Variants in MEOX2 observed in about 807,000 individuals in gnomAD.
The protein encoded by MEOX2 is homeobox protein MOX-2.
A neutral mutation model predicts 27.0 loss-of-function variants in MEOX2; 11 were observed. The ratio of observed to expected loss-of-function variants is 0.41; its 90% confidence interval spans 0.26 to 0.68. The LOEUF (loss-of-function observed/expected upper bound fraction) is 0.68, where lower values mean the gene tolerates loss of function less well. MEOX2 is among the 30% of genes least tolerant of loss of function. The pLI, the probability that MEOX2 is intolerant of heterozygous loss-of-function variation, is 0.33. For missense variants in MEOX2, 436 were observed against 385.4 expected (o/e 1.13, Z -1.10); for synonymous variants, 189 against 155.4 (o/e 1.22, Z -1.61).
In MEOX2 at chr7:15,644,914, C is replaced by G. The variant is rs1395433373; in HGVS notation, c.518-17996G>C. 2.0e-5 allele frequency among the ~76,000 whole-genome samples: 3 copies of G among 152,236 alleles called. No homozygotes were observed. The East Asian group carries it at 5.8e-4, about 29-fold the overall frequency. ...GGTTACAAACTTCCTGAAAATTTAA[C>G]GGTCAGCTTCCTAGAGCCTCTACTC... is the stretch of plus-strand genomic sequence containing the variant. On this transcript the variant is annotated intron_variant, in intron 1 of 2. Coordinates refer to ENST00000262041, the MANE Select transcript of MEOX2 (RefSeq NM_005924.5).
chr7:15,669,626 T>C (rs1782065279), intron 1 of MEOX2, among the ~76,000 whole-genome samples: 1 of 152,230 alleles, frequency 6.6e-6, no homozygotes, highest in African/African-American at 2.4e-5. Context: ...AATTGCGTAA[T>C]GTATGGCCAC....
intron 1 of MEOX2, among the ~76,000 whole-genome samples, chr7:15,683,778 A>G (rs1277252650): frequency 6.6e-6 from 1 of 152,194 alleles, no homozygotes; most frequent in Non-Finnish European, 1.5e-5. Flanking sequence ...CAAAGGAAAG[A>G]AAAGCTCATT....
intron 1 of MEOX2, among the ~76,000 whole-genome samples, chr7:15,650,315 T>C (rs563533455): frequency 6.6e-6 from 1 of 152,244 alleles, no homozygotes; most frequent in African/African-American, 2.4e-5. Context: ...TGCAATGTTC[T>C]GTGTAATTTT....
chr7:15,630,121 C>T (rs189068623), intron 1 of MEOX2, among the ~76,000 whole-genome samples: 14 of 152,138 alleles, frequency 9.2e-5, no homozygotes, highest in African/African-American at 3.1e-4. Flanking sequence ...TACTTTAATG[C>T]ACCTGTGGGT....
intron 1 of MEOX2, among the ~76,000 whole-genome samples, chr7:15,683,590 G>T (rs918486934): frequency 6.6e-6 from 1 of 151,910 alleles, no homozygotes; most frequent in Non-Finnish European, 1.5e-5. Context: ...GATAATTTAT[G>T]GAACACCTAA....
At chr7:15,624,685 A>G (rs1781270984) in intron 2 of MEOX2, among the ~76,000 whole-genome samples, 1 of 152,176 alleles carries the variant, frequency 6.6e-6, no homozygotes, top group Non-Finnish European at 1.5e-5. Flanking sequence ...ATGTAGGGCC[A>G]GCAGTATTAC....
At chr7:15,631,579 T>G (rs958016690) in intron 1 of MEOX2, among the ~76,000 whole-genome samples, 1 of 151,998 alleles carries the variant, frequency 6.6e-6, no homozygotes, top group Admixed American at 6.6e-5. Context: ...GTTTATAGAC[T>G]TGACTTTTTC....
chr7:15,612,486 C>T lies in MEOX2; in HGVS notation c.816G>A (p.Leu272=), dbSNP rs763833241. The change falls in exon 3 of 3, where the codon CTG becomes CTA. Residue 272 remains leucine (L), a synonymous_variant. Transcript: ENST00000262041. ...GGAGGGTGGCTGCACCAATTCCCGA[C>T]AGCTCTGATGGGAGAAGTGTTCCCT... ...VKKGTLLPSE[L]SGIGAATLQQ... 4 of 1,614,152 alleles carry T rather than the reference C, an allele frequency of 2.5e-6. No homozygotes were observed. Among genetic ancestry groups the T allele is most frequent in the Non-Finnish European group, 2.5e-6 (3 of 1,180,022 alleles).
intron 1 of MEOX2, chr7:15,680,145 A>G (rs183141605): frequency 1.9e-4 from 29 of 152,046 alleles, no homozygotes; most frequent in African/African-American, 6.3e-4. Context: ...CCATTCGATC[A>G]TACACTTACC....
In MEOX2 at chr7:15,611,911, T is replaced by C. The variant is rs942614625; in HGVS notation, c.*476A>G. On this transcript the variant is annotated 3_prime_UTR_variant, in exon 3 of 3. Coordinates refer to ENST00000262041, the MANE Select transcript of MEOX2 (RefSeq NM_005924.5). ...GGCACTGTGGCTGTTCAGGATAAAA[T>C]GTTTCATGGTTTATTCTTGATAGCA... The C allele has an allele frequency of 1.8e-5, 3 of 162,252 alleles. No individual in the cohort carries two copies. The highest frequency in any genetic ancestry group is 7.2e-5 in the African/African-American group (3 of 41,606). The allele number at this position is 162,252 out of a possible 1,614,324, so 10.1% of individuals were successfully genotyped here. A position where few individuals can be genotyped will look rare whatever the true frequency, so the allele number is the denominator to read the frequency against.
intron 1 of MEOX2, among the ~76,000 whole-genome samples, chr7:15,659,073 C>T (rs1386955739): frequency 6.6e-6 from 1 of 152,162 alleles, no homozygotes; most frequent in Non-Finnish European, 1.5e-5. Flanking sequence ...GATTATGGCT[C>T]ATTACAGCCT....
At chr7:15,680,456 T>G (rs1782274854) in intron 1 of MEOX2, 7 of 152,016 alleles carry the variant, frequency 4.6e-5, no homozygotes, top group Admixed American at 4.6e-4. Flanking sequence ...TAAGTTTTAC[T>G]ACATTAAAAC....
At chr7:15,682,414 T>C (rs1050958364) in intron 1 of MEOX2, among the ~76,000 whole-genome samples, 1 of 151,816 alleles carries the variant, frequency 6.6e-6, no homozygotes, top group African/African-American at 2.4e-5. Flanking sequence ...TAGTCAAGCA[T>C]ATAGACAGAC....
intron 1 of MEOX2, among the ~76,000 whole-genome samples, chr7:15,653,216 C>G (rs1424561796): frequency 6.6e-6 from 1 of 151,860 alleles, no homozygotes; most frequent in Admixed American, 6.6e-5. Context: ...TTTTAATTTG[C>G]TCTTTCCAAA....
intron 1 of MEOX2, among the ~76,000 whole-genome samples, chr7:15,636,680 A>G (rs1386412774): frequency 6.6e-6 from 1 of 152,100 alleles, no homozygotes; most frequent in African/African-American, 2.4e-5. Context: ...CATAAATGTA[A>G]TTATTATCTG....
At chr7:15,667,985 C>T (rs1194383333) in intron 1 of MEOX2, 1 of 152,148 alleles carries the variant, frequency 6.6e-6, no homozygotes, top group Admixed American at 6.5e-5. Context: ...TATTCCATCC[C>T]CTTGGAATAA....
intron 2 of MEOX2, among the ~76,000 whole-genome samples, chr7:15,615,180 GT>G (rs60082180): frequency 0.67 from 102,156 of 151,760 alleles, 34,603 homozygotes; most frequent in East Asian, 0.81. Context: ...TATTGGTGCT[GT>G]TTATACAGTA....
In MEOX2 at chr7:15,686,035, C is replaced by G; in HGVS notation, c.368G>C (p.Ser123Thr). The G allele has an allele frequency of 2.5e-6, 4 of 1,606,038 alleles. No individual in the cohort carries two copies. The highest frequency in any genetic ancestry group is 1.7e-6 in the Non-Finnish European group (2 of 1,179,136). ...AGAGTTGGAGCACAGGACGGGCGGGCTGCTCCCCAACTCTGGGGGCCCTCC... is the reference window on the plus strand; with the variant it reads ...AGAGTTGGAGCACAGGACGGGCGGGGTGCTCCCCAACTCTGGGGGCCCTCC... Reference protein sequence around the residue: ...DSGGPPELGSSPPVLCSNSSS... With the variant: ...DSGGPPELGSTPPVLCSNSSS... The change falls in exon 1 of 3, where the codon AGC becomes ACC. Residue 123 changes from serine (S) to threonine (T), a missense_variant. Transcript: ENST00000262041.
Position 15,686,584 on chromosome 7 carries a change from A to T in MEOX2, c.-182T>A, listed in dbSNP as rs1429671143. On this transcript the variant is annotated 5_prime_UTR_variant, in exon 1 of 3. An upstream start codon of the reference 5' UTR is lost. Coordinates refer to ENST00000262041, the MANE Select transcript of MEOX2 (RefSeq NM_005924.5). ...AGCCCCAGCGGCCAGTCTCCTTTAC[A>T]TATGAACAGTCGGACCTGGAAGAGC... The T allele has an allele frequency of 4.8e-6, 3 of 620,834 alleles. No individual in the cohort carries two copies. Among genetic ancestry groups the T allele is most frequent in the South Asian group, 4.2e-5 (2 of 47,994 alleles). The allele number at this position is 620,834 out of a possible 1,614,324, so 38.5% of individuals were successfully genotyped here.
Sources: gnomAD v4.1 joint callset for allele counts (sites outside exome capture counted in the v4.1 genomes callset) on GRCh38, gnomAD v4.1.1 for gene constraint, MANE v1.5 for transcripts, NCBI Gene and HGNC (gene_info 2026-07-23, HGNC 2026-07-21) for gene names.